The following WWTR1 variants were observed in gnomAD, a reference collection of about 807,000 sequenced individuals.
WWTR1 encodes the protein WW domain-containing transcription regulator protein 1.
Under a neutral mutation model 40.1 loss-of-function variants are expected in WWTR1, and 13 were observed. The ratio of observed to expected loss-of-function variants is 0.32; its 90% CI spans 0.21 to 0.52. WWTR1 has a LOEUF of 0.52. Ranked by LOEUF, WWTR1 falls within the 20% of genes least tolerant of loss-of-function variation. The pLI is 0.97. For synonymous variants in WWTR1, 230 were observed against 210.1 expected, an observed-to-expected ratio of 1.09 and a Z score of -0.82; for missense variants, 436 against 523.1, an observed-to-expected ratio of 0.83 and a Z score of 1.63.
intron 4 of WWTR1, among the ~76,000 whole-genome samples, chr3:149,721,838 AC>A (rs1197514624): frequency 1.3e-5 from 2 of 152,196 alleles, no homozygotes; most frequent in Non-Finnish European, 2.9e-5. Context: ...AGGTGAGACT[AC>A]AGTTGCATGC....
At chr3:149,596,584 G>C (rs926942172) in intron 2 of WWTR1, among the ~76,000 whole-genome samples, 29 of 152,156 alleles carry the variant, frequency 1.9e-4, no homozygotes, top group African/African-American at 6.7e-4. Flanking sequence ...TCTTCTAGTG[G>C]ACCCGCCACT....
intron 2 of WWTR1, among the ~76,000 whole-genome samples, chr3:149,644,726 A>C (rs554399409): frequency 1.3e-5 from 2 of 152,318 alleles, no homozygotes; most frequent in East Asian, 3.9e-4. Context: ...ATGCATAATA[A>C]ATCCTTGGAA....
At chr3:149,722,832 G>C (rs894860167) in intron 4 of WWTR1, among the ~76,000 whole-genome samples, 2 of 151,710 alleles carry the variant, frequency 1.3e-5, no homozygotes, top group Non-Finnish European at 2.9e-5. Flanking sequence ...TTCGACTACT[G>C]TAATCTTCAG....
chr3:149,555,698 A>G (rs1038153579), intron 3 of WWTR1, among the ~76,000 whole-genome samples: 2 of 151,192 alleles, frequency 1.3e-5, no homozygotes, highest in African/African-American at 2.4e-5. Flanking sequence ...TGTTTCGCTT[A>G]TAGAACTATA....
At chr3:149,575,309 C>G (rs1737833500) in intron 2 of WWTR1, among the ~76,000 whole-genome samples, 1 of 152,168 alleles carries the variant, frequency 6.6e-6, no homozygotes, top group South Asian at 2.1e-4. Context: ...AAGTGAGGAA[C>G]TAATTGATGA....
At chr3:149,597,040 C>A (rs1328896247) in intron 2 of WWTR1, among the ~76,000 whole-genome samples, 1 of 152,084 alleles carries the variant, frequency 6.6e-6, no homozygotes, top group Non-Finnish European at 1.5e-5. Flanking sequence ...CATAAAGTTA[C>A]CCTGAAATTA....
chr3:149,538,551 A>G (rs1027099442), intron 4 of WWTR1, among the ~76,000 whole-genome samples: 4 of 152,236 alleles, frequency 2.6e-5, no homozygotes, highest in Non-Finnish European at 5.9e-5. Flanking sequence ...CTGTTGCTAC[A>G]CCAGCCAATG....
At chr3:149,709,252 G>A (rs1164633154) in intron 5 of WWTR1, among the ~76,000 whole-genome samples, 1 of 148,322 alleles carries the variant, frequency 6.7e-6, no homozygotes, top group African/African-American at 2.5e-5. Context: ...TGGGATTACA[G>A]GTGTGGGCCA....
At chr3:149,575,704 G>A (rs992310990) in intron 2 of WWTR1, among the ~76,000 whole-genome samples, 3 of 152,160 alleles carry the variant, frequency 2.0e-5, no homozygotes, top group Non-Finnish European at 2.9e-5. Context: ...CTCCCCTCCC[G>A]TTCTGAACAA....
chr3:149,568,687 G>A (rs1203045865), intron 3 of WWTR1, among the ~76,000 whole-genome samples: 1 of 152,162 alleles, frequency 6.6e-6, no homozygotes, highest in Non-Finnish European at 1.5e-5. Context: ...GGATGACTAA[G>A]TAATGGGTCT....
upstream of WWTR1, among the ~76,000 whole-genome samples, chr3:149,662,721 A>G (rs1338729219): frequency 6.6e-6 from 1 of 152,160 alleles, no homozygotes; most frequent in Non-Finnish European, 1.5e-5. Flanking sequence ...TCACAAGTAT[A>G]TGAGTCAAAG....
intron 4 of WWTR1, among the ~76,000 whole-genome samples, chr3:149,542,002 AT>A (rs1447930621): frequency 6.6e-6 from 1 of 152,214 alleles, no homozygotes; most frequent in Non-Finnish European, 1.5e-5. Context: ...TGAAATGGCT[AT>A]TTAAGCAACT....
chr3:149,684,107 G>A (rs80304889), intron 1 of WWTR1, among the ~76,000 whole-genome samples: 3,228 of 152,052 alleles, frequency 0.021, 64 homozygotes, highest in South Asian at 0.092. Flanking sequence ...AAATATGGGG[G>A]GTGTAGAAAT....
chr3:149,544,463 A>G (rs1355636852), intron 3 of WWTR1, among the ~76,000 whole-genome samples: 1 of 152,186 alleles, frequency 6.6e-6, no homozygotes, highest in Non-Finnish European at 1.5e-5. Context: ...GGACTGGTGG[A>G]AGAGAGGTGT....
At chr3:149,619,516 AG>A (rs1171084074) in intron 2 of WWTR1, among the ~76,000 whole-genome samples, 2 of 152,156 alleles carry the variant, frequency 1.3e-5, no homozygotes, top group African/African-American at 4.8e-5. Context: ...CCAGCTACTC[AG>A]GAGGCTGAGG....
chr3:149,644,431 G>A (rs1712366711), intron 2 of WWTR1, among the ~76,000 whole-genome samples: 1 of 152,066 alleles, frequency 6.6e-6, no homozygotes. Flanking sequence ...CCCCAGTATG[G>A]CTCACATCAG....
intron 6 of WWTR1, among the ~76,000 whole-genome samples, chr3:149,523,374 G>T (rs1269137437): frequency 6.6e-6 from 1 of 151,790 alleles, no homozygotes; most frequent in Non-Finnish European, 1.5e-5. Context: ...TCAGCTTCCC[G>T]AGTGGCTGGG....
At chr3:149,618,163 C>T (rs1740082650) in intron 2 of WWTR1, among the ~76,000 whole-genome samples, 1 of 152,200 alleles carries the variant, frequency 6.6e-6, no homozygotes, top group African/African-American at 2.4e-5. Flanking sequence ...GTGCTCTTTG[C>T]AGGCATGTCC....
At chr3:149,712,637 T>G (rs964849402) in intron 5 of WWTR1, among the ~76,000 whole-genome samples, 5 of 152,180 alleles carry the variant, frequency 3.3e-5, no homozygotes, top group African/African-American at 1.2e-4. Context: ...TTGAACCTTA[T>G]GAATAGGAAT....
Sources: allele counts gnomAD v4.1 joint callset (sites outside exome capture counted in the v4.1 genomes callset), GRCh38; gene constraint gnomAD v4.1.1; transcripts MANE v1.5; gene names NCBI Gene and HGNC (gene_info 2026-07-23, HGNC 2026-07-21).